SNX4: variants seen among roughly 807,000 people sequenced by gnomAD.
The protein encoded by SNX4 is sorting nexin-4.
SNX4 carries 49 observed loss-of-function variants against 70.8 expected under a neutral mutation model. That is an observed-to-expected ratio of 0.69 (90% CI 0.55 to 0.88). SNX4 has a LOEUF of 0.88. Ranked by LOEUF, SNX4 falls within the 40% of genes least tolerant of loss-of-function variation. The pLI is 0.00. For missense variants in SNX4, 528 were observed against 544.8 expected, an observed-to-expected ratio of 0.97 and a Z score of 0.31; for synonymous variants, 206 against 183.8, an observed-to-expected ratio of 1.12 and a Z score of -0.98.
rs759849163 is a variant in SNX4, at chr3:125,520,059, G to T, written c.114C>A (p.Ala38=). ...GAAVGKEAEG[A]GEESSGVDTM... Reference sequence around the variant, plus strand: ...TGTCGACCCCAGAGCTCTCTTCTCCGGCCCCCTCCGCTTCCTTGCCGACCG... The same window carrying T: ...TGTCGACCCCAGAGCTCTCTTCTCCTGCCCCCTCCGCTTCCTTGCCGACCG... Residue 38 remains alanine (A), a synonymous_variant, in exon 1 of 14, where the codon GCC becomes GCA. Coordinates refer to ENST00000251775, the MANE Select transcript of SNX4 (RefSeq NM_003794.4). 3.2e-6 allele frequency: 5 copies of T among 1,552,822 alleles called. No homozygotes were observed. In the East Asian group the frequency reaches 1.3e-4, roughly 42 times the overall value.
intron 1 of SNX4, among the ~76,000 whole-genome samples, chr3:125,505,133 C>A (rs182646070): frequency 1.6e-3 from 237 of 152,266 alleles, no homozygotes; most frequent in Non-Finnish European, 2.7e-3. Context: ...ACATGCTCAA[C>A]TGACTTTGGT....
In SNX4 at chr3:125,447,645, T is replaced by G. The variant is rs1346082569; in HGVS notation, c.*134A>C. The G allele has an allele frequency of 3.4e-6, 2 of 596,294 alleles. No homozygotes were observed. The highest frequency in any genetic ancestry group is 5.8e-6 in the Non-Finnish European group (2 of 344,646). The allele number at this position is 596,294 out of a possible 1,614,324, so 36.9% of individuals were successfully genotyped here. On this transcript the variant is annotated 3_prime_UTR_variant, in exon 14 of 14. Transcript: ENST00000251775. ...TGTGCTACATTAACACGACCACAAT[T>G]AAGTTAAAGAAAGCTGAATTTATTT...
chr3:125,452,401 TA>T, intron 12 of SNX4, among the ~76,000 whole-genome samples: 1 of 152,184 alleles, frequency 6.6e-6, no homozygotes, highest in East Asian at 1.9e-4. Flanking sequence ...CAGCTGCATG[TA>T]CTTGTTTTAA....
At chr3:125,514,775 A>G (rs1935239530) in intron 1 of SNX4, among the ~76,000 whole-genome samples, 1 of 152,034 alleles carries the variant, frequency 6.6e-6, no homozygotes, top group African/African-American at 2.4e-5. Flanking sequence ...TGCAGCCTCA[A>G]CCTCCCTGGT....
chr3:125,499,108 C>T (rs888489478), intron 2 of SNX4, among the ~76,000 whole-genome samples: 1 of 152,138 alleles, frequency 6.6e-6, no homozygotes, highest in African/African-American at 2.4e-5. Flanking sequence ...GTAGGCAATG[C>T]CATGTCTCAT....
intron 7 of SNX4, among the ~76,000 whole-genome samples, chr3:125,479,403 A>G (rs1023580174): frequency 1.3e-5 from 2 of 152,094 alleles, no homozygotes; most frequent in Non-Finnish European, 1.5e-5. Flanking sequence ...CTAAAAATAA[A>G]GATTAGCCAG....
chr3:125,519,916 G>A, intron 1 of SNX4, 116 bp downstream of exon 1: 1 of 963,110 alleles, frequency 1.0e-6, no homozygotes, highest in Middle Eastern at 3.1e-4. Context: ...CTCACTGCTG[G>A]GCCTCCTCGG....
At position 125,478,090 on chromosome 3, in the gene SNX4, A is replaced by ATTC. The variant is rs1343539991; in HGVS notation, c.727-1335_727-1334insGAA. On this transcript the variant is annotated intron_variant, in intron 7 of 13. Coordinates refer to ENST00000251775, the MANE Select transcript of SNX4 (RefSeq NM_003794.4). ...TATTATTACTATTATTATTATTATT[A>ATTC]TTATTTTGAGACGGAGTCTCACTCT... 1.3e-4 allele frequency among the ~76,000 whole-genome samples: 20 copies of ATTC among 150,926 alleles called. 1 individual carries two copies. Among genetic ancestry groups the ATTC allele is most frequent in the Non-Finnish European group, 2.5e-4 (17 of 67,784 alleles).
intron 9 of SNX4, among the ~76,000 whole-genome samples, chr3:125,461,759 T>G (rs9809434): frequency 0.092 from 13,965 of 151,980 alleles, 688 homozygotes; most frequent in African/African-American, 0.11. Flanking sequence ...CCTCCCGGGT[T>G]CACGCCATTC....
At chr3:125,457,162 T>C (rs1933739222) in intron 11 of SNX4, 104 bp downstream of exon 11, 3 of 779,572 alleles carry the variant, frequency 3.8e-6, no homozygotes, top group Middle Eastern at 2.3e-4. Flanking sequence ...GTATTGTAAC[T>C]GGAACTGATT....
chr3:125,512,174 T>C (rs74534990), intron 1 of SNX4, among the ~76,000 whole-genome samples: 2 of 151,832 alleles, frequency 1.3e-5, no homozygotes, highest in African/African-American at 4.8e-5. Flanking sequence ...AACATCAGGG[T>C]TGGTTATGAA....
In SNX4 at chr3:125,453,961, A is replaced by T. The variant is rs761374238; in HGVS notation, c.1045-6T>A. The stretch of plus-strand genomic sequence containing the variant: ...AAAGAGAATGTTCTCACAGTCTAAA[A>T]GGAAACAGAAACAGATGAATGGATA... On this transcript the variant is annotated splice_polypyrimidine_tract_variant and splice_region_variant and intron_variant, in intron 11 of 13. Transcript: ENST00000251775. 1 of 1,611,094 alleles carries T rather than the reference A, an allele frequency of 6.2e-7. No homozygotes were observed. Among genetic ancestry groups the T allele is most frequent in the South Asian group, 1.1e-5 (1 of 90,276 alleles).
chr3:125,459,685 C>A (rs549168616), intron 10 of SNX4, among the ~76,000 whole-genome samples: 1 of 152,054 alleles, frequency 6.6e-6, no homozygotes, highest in Non-Finnish European at 1.5e-5. Context: ...GTGATCCATC[C>A]GCCTTGGGCT....
intron 6 of SNX4, among the ~76,000 whole-genome samples, chr3:125,489,186 G>GA (rs1190499062): frequency 1.3e-5 from 2 of 151,942 alleles, no homozygotes; most frequent in African/African-American, 4.8e-5. Context: ...AACCCTTCTA[G>GA]AAAAAAGCAA....
chr3:125,455,822 G>T (rs1407808495), intron 11 of SNX4, among the ~76,000 whole-genome samples: 1 of 151,992 alleles, frequency 6.6e-6, no homozygotes, highest in African/African-American at 2.4e-5. Context: ...GACCATCTTG[G>T]CTAACATGGT....
intron 9 of SNX4, among the ~76,000 whole-genome samples, chr3:125,469,203 G>C (rs945707386): frequency 6.6e-6 from 1 of 152,086 alleles, no homozygotes; most frequent in Non-Finnish European, 1.5e-5. Context: ...TTCATCAAAT[G>C]CTTTTTCTAC....
intron 9 of SNX4, 33 bp from the exon 10 acceptor site, chr3:125,460,893 A>G: frequency 1.8e-6 from 2 of 1,102,090 alleles, no homozygotes; most frequent in Non-Finnish European, 2.6e-6. Context: ...CATTGCATAG[A>G]GTTACTTTCA....
chr3:125,471,369 AAAG>A (rs1934169472), intron 8 of SNX4, among the ~76,000 whole-genome samples: 1 of 147,982 alleles, frequency 6.8e-6, no homozygotes, highest in South Asian at 2.1e-4. Flanking sequence ...AAAAAAAAAA[AAAG>A]CTTTTCACCA....
intron 5 of SNX4, among the ~76,000 whole-genome samples, chr3:125,490,790 A>C (rs547512776): frequency 1.8e-4 from 27 of 151,760 alleles, no homozygotes; most frequent in African/African-American, 4.1e-4. Flanking sequence ...AAAAAAACAA[A>C]AAAAAAAAGA....
Sources: gnomAD v4.1 joint callset for allele counts (sites outside exome capture counted in the v4.1 genomes callset) on GRCh38, gnomAD v4.1.1 for gene constraint, MANE v1.5 for transcripts, NCBI Gene and HGNC (gene_info 2026-07-23, HGNC 2026-07-21) for gene names.